UTP18: variants seen among roughly 807,000 people sequenced by gnomAD.
UTP18 encodes the protein UTP18 small subunit processome component.
UTP18 carries 36 observed loss-of-function variants against 61.1 expected under a neutral mutation model. The ratio of observed to expected loss-of-function variants is 0.59; its 90% CI spans 0.45 to 0.78. The LOEUF (loss-of-function observed/expected upper bound fraction) is 0.78. UTP18 is among the 30% of genes least tolerant of loss of function. UTP18 has a pLI of 0.00. For synonymous variants in UTP18, 282 were observed against 251.1 expected, an observed-to-expected ratio of 1.12 and a Z score of -1.16; for missense variants, 753 against 693.9, an observed-to-expected ratio of 1.09 and a Z score of -0.96.
chr17:51,280,393 A>T lies in UTP18; in HGVS notation c.1118A>T (p.Lys373Ile), dbSNP rs771343553. Reference protein sequence around the residue: ...GYLHLLAMKTKELIGSMKING... With the variant: ...GYLHLLAMKTIELIGSMKING... ...AAATAATATTTATTGTTTTAGACCA[A>T]AGAACTGATTGGAAGCATGAAAATT... Residue 373 changes from lysine (K) to isoleucine (I), a missense_variant, in exon 9 of 14, where the codon AAA becomes ATA. Coordinates refer to ENST00000225298, the MANE Select transcript of UTP18 (RefSeq NM_016001.3). 6.8e-6 allele frequency: 11 copies of T among 1,613,932 alleles called. No homozygotes were observed. Among genetic ancestry groups the T allele is most frequent in the Non-Finnish European group, 9.3e-6 (11 of 1,179,916 alleles).
intron 3 of UTP18, among the ~76,000 whole-genome samples, chr17:51,267,233 G>A (rs1306348473): frequency 1.3e-5 from 2 of 152,180 alleles, no homozygotes; most frequent in Admixed American, 6.5e-5. Flanking sequence ...AAAGTGCTGG[G>A]AATACAGAGG....
chr17:51,296,971 C>T lies in UTP18; in HGVS notation c.1653C>T (p.His551=), dbSNP rs1412294215. The T allele has an allele frequency of 1.9e-6, 3 of 1,606,458 alleles. No homozygotes were observed. The highest frequency in any genetic ancestry group is 2.3e-5 in the East Asian group (1 of 44,274). ...EKGKALMYRL[H]HYSDF is the part of the protein sequence containing the mutation. ...TTATTTTTTACTTTTCCAGGTTGCA[C>T]CATTACTCAGACTTCTAAAGAGACT... Residue 551 remains histidine, a synonymous_variant, in exon 13 of 14, where the codon CAC becomes CAT. Transcript: ENST00000225298.
chr17:51,274,947 C>G (rs1431959394), intron 5 of UTP18, among the ~76,000 whole-genome samples: 3 of 151,786 alleles, frequency 2.0e-5, no homozygotes, highest in African/African-American at 7.3e-5. Flanking sequence ...CCTGTAATCC[C>G]AGCACTTTGG....
chr17:51,273,917 A>G (rs1904625973), intron 5 of UTP18, among the ~76,000 whole-genome samples: 3 of 152,218 alleles, frequency 2.0e-5, no homozygotes, highest in African/African-American at 7.2e-5. Flanking sequence ...CTCTTTTTAA[A>G]TCATTCTTTG....
chr17:51,273,600 T>TG, intron 5 of UTP18, 150 bp downstream of exon 5: 1 of 494,846 alleles, frequency 2.0e-6, no homozygotes, highest in Non-Finnish European at 3.4e-6. Flanking sequence ...ATGTTATTGT[T>TG]TTTTTTTTTT....
intron 2 of UTP18, among the ~76,000 whole-genome samples, chr17:51,264,993 T>C (rs1304052024): frequency 6.6e-6 from 1 of 152,186 alleles, no homozygotes; most frequent in African/African-American, 2.4e-5. Flanking sequence ...TCGTTTCTTA[T>C]AAATATTCTT....
At chr17:51,293,801 A>G in intron 11 of UTP18, 102 bp from the exon 12 acceptor site, 1 of 1,053,334 alleles carries the variant, frequency 9.5e-7, no homozygotes, top group Non-Finnish European at 1.3e-6. Context: ...CTACAATCAA[A>G]ATGAGCTTTA....
rs1282082473 is a variant in UTP18 at position 51,273,432 on chromosome 17, TC to T, written c.695del (p.Pro232GlnfsTer5). ...GNFISTSTSL[P>X]RGILKMKNCQ... is the part of the protein sequence containing the mutation. ...ATTTCATATCCACATCAACTTCTCT[TC>T]CAAGAGGAATCTTGAAGGTGAGAGT... On this transcript the variant is annotated frameshift_variant, in exon 5 of 14. Transcript: ENST00000225298. LOFTEE classifies it high-confidence loss of function. 1 of 1,610,492 alleles carries T rather than the reference TC, an allele frequency of 6.2e-7. No individual in the cohort carries two copies. Among genetic ancestry groups the T allele is most frequent in the Non-Finnish European group, 8.5e-7 (1 of 1,178,462 alleles).
In UTP18 at chr17:51,294,031, G is replaced by A. The variant is rs1172620886; in HGVS notation, c.1632G>A (p.Lys544=). The A allele has an allele frequency of 6.2e-7, 1 of 1,603,458 alleles. No individual in the cohort carries two copies. The highest frequency in any genetic ancestry group is 1.3e-5 in the African/African-American group (1 of 74,414). ...GYFALGNEKG[K]ALMYRLHHYS... ...TTGCCTTGGGGAATGAAAAGGGCAA[G>A]GCCCTGATGTATAGGTAGGTATTAT... is the stretch of plus-strand genomic sequence containing the variant. The change falls in exon 12 of 14, where the codon AAG becomes AAA. Residue 544 remains lysine, a synonymous_variant. Coordinates refer to ENST00000225298, the MANE Select transcript of UTP18 (RefSeq NM_016001.3).
At chr17:51,269,874 TGTCAGA>T (rs1471085396) in intron 4 of UTP18, among the ~76,000 whole-genome samples, 4 of 150,358 alleles carry the variant, frequency 2.7e-5, no homozygotes, top group African/African-American at 2.4e-5. Flanking sequence ...TGTGTGTCAG[TGTCAGA>T]ATCTCACTCT....
intron 5 of UTP18, among the ~76,000 whole-genome samples, chr17:51,274,813 T>C (rs897828716): frequency 6.6e-6 from 1 of 151,980 alleles, no homozygotes; most frequent in African/African-American, 2.4e-5. Context: ...GGGAAACTAT[T>C]ATGATAAATT....
intron 10 of UTP18, among the ~76,000 whole-genome samples, 165 bp downstream of exon 10, chr17:51,285,533 C>G (rs74482578): frequency 6.6e-5 from 10 of 152,240 alleles, no homozygotes; most frequent in African/African-American, 1.9e-4. Flanking sequence ...CATCTTTGTG[C>G]AGTGTTGAAT....
chr17:51,263,377 A>T lies in UTP18; in HGVS notation c.446A>T (p.Asp149Val). 1 of 1,613,640 alleles carries T rather than the reference A, an allele frequency of 6.2e-7. No homozygotes were observed. Among genetic ancestry groups the T allele is most frequent in the Non-Finnish European group, 8.5e-7 (1 of 1,179,570 alleles). ...KPVWVDEEDEDEEMVDMMNNR... is the reference protein window; with the variant it reads ...KPVWVDEEDEVEEMVDMMNNR... The stretch of plus-strand genomic sequence containing the variant: ...GTTTGGGTGGATGAAGAAGATGAAG[A>T]TGAGGAAATGTAAGTTGCCTAACTT... Residue 149 changes from aspartate (D) to valine (V), a missense_variant, in exon 2 of 14, where the codon GAT (aspartate) becomes GTT (valine). Coordinates refer to ENST00000225298, the MANE Select transcript of UTP18 (RefSeq NM_016001.3).
Position 51,263,261 on chromosome 17 carries a change from T to C in UTP18, c.343-13T>C, listed in dbSNP as rs1240093178. On this transcript the variant is annotated splice_polypyrimidine_tract_variant and intron_variant, in intron 1 of 13. Coordinates refer to ENST00000225298, the MANE Select transcript of UTP18 (RefSeq NM_016001.3). ...GAAAATCTCAGTGCTTGAGGGTGTT[T>C]TGTCTGCTGTAGGTTCAAGAACATG... 1 of 1,611,588 alleles carries C rather than the reference T, an allele frequency of 6.2e-7. No individual in the cohort carries two copies. The highest frequency in any genetic ancestry group is 8.5e-7 in the Non-Finnish European group (1 of 1,177,940).
At chr17:51,297,050 C>CAACTGACAG in intron 13 of UTP18, 47 bp downstream of exon 13, 2 of 1,502,406 alleles carry the variant, frequency 1.3e-6, no homozygotes, top group Non-Finnish European at 9.1e-7. Flanking sequence ...TAAGATACAC[C>CAACTGACAG]CATTGCTGTC....
chr17:51,285,393 C>G, intron 10 of UTP18, 25 bp downstream of exon 10: 1 of 1,607,356 alleles, frequency 6.2e-7, no homozygotes, highest in Non-Finnish European at 8.5e-7. Flanking sequence ...GTTCTTGTAA[C>G]CTTAATCACA....
chr17:51,273,853 C>G (rs2144409623), intron 5 of UTP18, among the ~76,000 whole-genome samples: 1 of 152,276 alleles, frequency 6.6e-6, no homozygotes, highest in East Asian at 1.9e-4. Flanking sequence ...GCTGTCATCT[C>G]TTATCTGGCA....
chr17:51,267,122 C>T (rs2055569152), intron 3 of UTP18, among the ~76,000 whole-genome samples: 1 of 152,094 alleles, frequency 6.6e-6, no homozygotes, highest in African/African-American at 2.4e-5. Context: ...GCCACCATGC[C>T]CAGCTAATTT....
At chr17:51,290,986 C>A (rs540739658) in intron 11 of UTP18, among the ~76,000 whole-genome samples, 1 of 152,132 alleles carries the variant, frequency 6.6e-6, no homozygotes, top group Non-Finnish European at 1.5e-5. Context: ...CCTGTTACAT[C>A]GACAATTTTG....
Sources: gnomAD v4.1 joint callset for allele counts (sites outside exome capture counted in the v4.1 genomes callset) on GRCh38, gnomAD v4.1.1 for gene constraint, MANE v1.5 for transcripts, NCBI Gene and HGNC (gene_info 2026-07-23, HGNC 2026-07-21) for gene names.